Variants in DPCD observed in about 807,000 individuals in gnomAD.
The protein encoded by DPCD is deleted in primary ciliary dyskinesia homolog (mouse).
A neutral mutation model predicts 26.4 loss-of-function variants in DPCD; 20 were observed. The observed-to-expected ratio is 0.76, with a 90% CI of 0.53 to 1.10. The LOEUF (loss-of-function observed/expected upper bound fraction) is 1.10, where lower values mean the gene tolerates loss of function less well. Among genes scored for constraint, DPCD ranks in the 50% least tolerant of loss-of-function variants. DPCD has a pLI of 0.00. For missense variants in DPCD, 202 were observed against 253.9 expected, an observed-to-expected ratio of 0.80 and a Z score of 1.39; for synonymous variants, 97 against 94.2, an observed-to-expected ratio of 1.03 and a Z score of -0.17.
Position 101,609,610 on chromosome 10 carries a change from A to G in DPCD, c.*139A>G. On this transcript the variant is annotated 3_prime_UTR_variant, in exon 6 of 6. Coordinates refer to ENST00000370151, the MANE Select transcript of DPCD (RefSeq NM_015448.3). ...AACTGGGCATGGGGCACTCCTAGCC[A>G]GTGAGTCATGGTCATATTTCCTGAG... 5 of 664,266 alleles carry G rather than the reference A, an allele frequency of 7.5e-6. No individual in the cohort carries two copies. The South Asian group carries it at 9.8e-5, about 13-fold the overall frequency. The allele number at this position is 664,266 out of a possible 1,614,324, so 41.1% of individuals were successfully genotyped here. A position where few individuals can be genotyped will look rare whatever the true frequency, so the allele number is the denominator to read the frequency against.
chr10:101,601,456 C>T (rs923902784), intron 4 of DPCD, 120 bp downstream of exon 4: 2 of 647,492 alleles, frequency 3.1e-6, no homozygotes, highest in African/African-American at 2.0e-5. Context: ...CTTCTGCTTA[C>T]AGGTATTGGA....
In DPCD at chr10:101,598,611, CTTTTTTTTTTT is replaced by C. The variant is rs71016333; in HGVS notation, c.146-2107_146-2097del. On this transcript the variant is annotated intron_variant, in intron 2 of 5. Transcript: ENST00000370151. ...AATACAGACATTGGGTAGATGCTTT[CTTTTTTTTTTT>C]TTTTTTTTTTTTTTTTTTTGAGACG... 2.0e-4 allele frequency among the ~76,000 whole-genome samples: 15 copies of C among 74,978 alleles called. No homozygotes were observed. In the South Asian group the frequency reaches 3.8e-3, roughly 19 times the overall value. 49.2% of individuals were successfully genotyped at this position (74,978 alleles called of 152,430 possible). A position where few individuals can be genotyped will look rare whatever the true frequency, so the allele number is the denominator to read the frequency against.
intron 4 of DPCD, among the ~76,000 whole-genome samples, chr10:101,607,424 T>G (rs150047818): frequency 2.6e-5 from 4 of 152,164 alleles, no homozygotes; most frequent in Admixed American, 6.5e-5. Context: ...GCAATGCCAT[T>G]AGGATCCCCC....
chr10:101,594,583 A>G, intron 1 of DPCD, 75 bp from the exon 2 acceptor site: 1 of 1,479,348 alleles, frequency 6.8e-7, no homozygotes, highest in Non-Finnish European at 9.4e-7. Context: ...ACTGTTTCCC[A>G]GGTAGGCCCC....
intron 1 of DPCD, among the ~76,000 whole-genome samples, chr10:101,589,910 T>G (rs1310951335): frequency 6.6e-6 from 1 of 151,744 alleles, no homozygotes; most frequent in East Asian, 1.9e-4. Context: ...AAATAAGCCG[T>G]GCATCATGGC....
chr10:101,609,603 C>G lies in DPCD; in HGVS notation c.*132C>G. ...CTCTAAGAACTGGGCATGGGGCACT[C>G]CTAGCCAGTGAGTCATGGTCATATT... is the stretch of plus-strand genomic sequence containing the variant. On this transcript the variant is annotated 3_prime_UTR_variant, in exon 6 of 6. Coordinates refer to ENST00000370151, the MANE Select transcript of DPCD (RefSeq NM_015448.3). 2 of 690,610 alleles carry G rather than the reference C, an allele frequency of 2.9e-6. No homozygotes were observed. Among genetic ancestry groups the G allele is most frequent in the Non-Finnish European group, 4.9e-6 (2 of 406,668 alleles). 42.8% of individuals were successfully genotyped at this position (690,610 alleles called of 1,614,324 possible).
chr10:101,608,067 T>TAC (rs1564897251), intron 4 of DPCD, among the ~76,000 whole-genome samples: 1 of 152,022 alleles, frequency 6.6e-6, no homozygotes, highest in East Asian at 1.9e-4. Flanking sequence ...AGTCTAGTTA[T>TAC]ACACATTACA....
At chr10:101,598,413 T>G (rs1032981030) in intron 2 of DPCD, among the ~76,000 whole-genome samples, 27 of 152,162 alleles carry the variant, frequency 1.8e-4, no homozygotes, top group Admixed American at 4.6e-4. Context: ...AGAATAAAGT[T>G]TTATTAATAA....
At chr10:101,589,190 T>A (rs2063551957) in intron 1 of DPCD, among the ~76,000 whole-genome samples, 1 of 151,990 alleles carries the variant, frequency 6.6e-6, no homozygotes, top group African/African-American at 2.4e-5. Context: ...AAGCCTGGAG[T>A]TTGTGGAAAT....
chr10:101,604,732 T>C (rs1399900818), intron 4 of DPCD, among the ~76,000 whole-genome samples: 1 of 152,210 alleles, frequency 6.6e-6, no homozygotes, highest in African/African-American at 2.4e-5. Flanking sequence ...CACTGTTAGC[T>C]GTAGAATTTA....
chr10:101,600,749 C>T lies in DPCD; in HGVS notation c.157C>T (p.Arg53Cys), dbSNP rs974491906. The change falls in exon 3 of 6, where the codon CGT (arginine) becomes TGT (cysteine). Residue 53 changes from arginine to cysteine, a missense_variant. Around this residue, in one of 3 missense-constraint regions of DPCD, gnomAD observed 37 missense variants for 76.0 expected, o/e 0.49. Coordinates refer to ENST00000370151, the MANE Select transcript of DPCD (RefSeq NM_015448.3). This position sits in a 1 kb window ranked among gnomAD's most constrained non-coding sequence, Gnocchi z 4.7. ...GCTTCTCTCCCCAGTGAGAAAGTGG[C>T]GTGTGAAAAGTGCCCTGGGAGCCAT... ...KTSELLVRKW[R>C]VKSALGAMGQ... is the part of the protein sequence containing the mutation. 3.7e-6 allele frequency: 6 copies of T among 1,612,700 alleles called. No individual in the cohort carries two copies. The highest frequency in any genetic ancestry group is 2.2e-5 in the East Asian group (1 of 44,852).
intron 1 of DPCD, chr10:101,588,602 C>T: frequency 7.1e-7 from 1 of 1,405,322 alleles, no homozygotes. Flanking sequence ...CCTTAGATTC[C>T]TCTACACCAT....
chr10:101,590,491 G>C (rs2063598405), intron 1 of DPCD, among the ~76,000 whole-genome samples: 1 of 151,836 alleles, frequency 6.6e-6, no homozygotes, highest in Non-Finnish European at 1.5e-5. Flanking sequence ...TCATTTTTAA[G>C]TGTACAGTTC....
intron 1 of DPCD, 174 bp downstream of exon 1, chr10:101,588,574 C>T (rs1207365910): frequency 7.0e-7 from 1 of 1,432,948 alleles, no homozygotes; most frequent in African/African-American, 1.4e-5. Context: ...ATGACTGGAA[C>T]ACATGTCTCC....
At chr10:101,596,559 C>CTT (rs2063653480) in intron 2 of DPCD, 1 of 152,166 alleles carries the variant, frequency 6.6e-6, no homozygotes, top group Non-Finnish European at 1.5e-5. Context: ...TTAAATCCAA[C>CTT]TTTCTTTTCT....
At chr10:101,596,282 A>C (rs1442821480) in intron 2 of DPCD, among the ~76,000 whole-genome samples, 2 of 152,190 alleles carry the variant, frequency 1.3e-5, no homozygotes, top group Non-Finnish European at 2.9e-5. Flanking sequence ...AAGTTGACCT[A>C]ATAATGATAT....
In DPCD at chr10:101,601,288, C is replaced by G. The variant is rs762835792; in HGVS notation, c.356C>G (p.Ser119Cys). 6.2e-7 allele frequency: 1 copy of G among 1,613,748 alleles called. No homozygotes were observed. Among genetic ancestry groups the G allele is most frequent in the African/African-American group, 1.3e-5 (1 of 74,860 alleles). The change falls in exon 4 of 6, where the codon TCT becomes TGT. Residue 119 changes from serine to cysteine, a missense_variant. By Grantham distance (112) the Ser-to-Cys change is moderately radical. This residue lies in a region of DPCD where 118 missense variants were observed against 145.1 expected (regional missense o/e 0.81). Transcript: ENST00000370151. ...LPYPKDVYSV[S>C]VDQKERCIIV... ...TATCCTAAGGATGTCTATAGTGTCT[C>G]TGTGGACCAGAAGGAGCGCTGCATC...
chr10:101,598,212 ATT>A (rs1444395574), intron 2 of DPCD, among the ~76,000 whole-genome samples: 1 of 152,048 alleles, frequency 6.6e-6, no homozygotes, highest in African/African-American at 2.4e-5. Context: ...TAGGACACCC[ATT>A]TTAGCAAGGC....
intron 2 of DPCD, among the ~76,000 whole-genome samples, chr10:101,598,133 G>A (rs1313301668): frequency 1.3e-5 from 2 of 152,088 alleles, no homozygotes; most frequent in Non-Finnish European, 2.9e-5. Context: ...ATTTTTTGGA[G>A]TAAAAGTGCA....
Sources: allele counts gnomAD v4.1 joint callset (sites outside exome capture counted in the v4.1 genomes callset), GRCh38; gene constraint gnomAD v4.1.1; regional missense constraint gnomAD v4.1.1; non-coding constraint Gnocchi (gnomAD v3.1); transcripts MANE v1.5; gene names NCBI Gene and HGNC (gene_info 2026-07-23, HGNC 2026-07-21).